NAA11: variants seen among roughly 807,000 people sequenced by gnomAD.
NAA11 encodes the protein N-alpha-acetyltransferase 11.
NAA11 carries 15 observed loss-of-function variants against 16.1 expected under a neutral mutation model. That is an observed-to-expected ratio of 0.93 (90% CI 0.62 to 1.44). The LOEUF (loss-of-function observed/expected upper bound fraction) is 1.44. NAA11 is among the 40% of genes most tolerant of loss of function. The pLI, the probability that NAA11 is intolerant of heterozygous loss-of-function variation, is 0.00. For missense variants in NAA11, 298 were observed against 291.3 expected (o/e 1.02, Z -0.17); for synonymous variants, 122 against 112.4 (o/e 1.09, Z -0.54).
intron 1 of NAA11, among the ~76,000 whole-genome samples, chr4:79,310,112 T>A (rs1458484457): frequency 1.3e-5 from 2 of 152,192 alleles, no homozygotes; most frequent in East Asian, 3.9e-4. Flanking sequence ...CATTCGTGCT[T>A]TTACTTGAGC....
At chr4:79,266,791 T>C (rs952019207) in intron 2 of NAA11, among the ~76,000 whole-genome samples, 2 of 152,200 alleles carry the variant, frequency 1.3e-5, no homozygotes, top group South Asian at 2.1e-4. Flanking sequence ...ATTAGCTTTT[T>C]TGAGTCATCA....
intron 1 of NAA11, among the ~76,000 whole-genome samples, chr4:79,302,591 T>C (rs11098642): frequency 0.42 from 63,629 of 150,898 alleles, 14,614 homozygotes; most frequent in East Asian, 0.77. Flanking sequence ...ATATCTTTAT[T>C]CTATATATGT....
At chr4:79,266,849 A>G (rs907768832) in intron 2 of NAA11, among the ~76,000 whole-genome samples, 1 of 152,148 alleles carries the variant, frequency 6.6e-6, no homozygotes, top group Admixed American at 6.6e-5. Flanking sequence ...GAAAAGATAC[A>G]TTTATTGAAT....
chr4:79,256,651 A>ATATATATATATATATATAGATATAT (rs1722113513), intron 2 of NAA11, among the ~76,000 whole-genome samples: 1 of 130,768 alleles, frequency 7.6e-6, no homozygotes, highest in African/African-American at 3.1e-5. Context: ...TATAAATATA[A>ATATATATATATATATATAGATATAT]ATATATATAT....
chr4:79,267,834 T>C (rs1299410956), intron 2 of NAA11, among the ~76,000 whole-genome samples: 4 of 152,094 alleles, frequency 2.6e-5, no homozygotes, highest in African/African-American at 9.7e-5. Context: ...GACGTTTGCA[T>C]TGCTGTTTCC....
chr4:79,193,747 T>G, the NAA11 span, among the ~76,000 whole-genome samples: 1 of 152,208 alleles, frequency 6.6e-6, no homozygotes, highest in East Asian at 1.9e-4. Flanking sequence ...AAATAGTTTT[T>G]TCCAATTCTG....
At chr4:79,316,623 A>G (rs143845984), downstream of NAA11, 1 of 152,348 alleles carries the variant, frequency 6.6e-6, no homozygotes, top group East Asian at 1.9e-4. Context: ...AGTGAACATA[A>G]AAACAACATT....
the NAA11 span, among the ~76,000 whole-genome samples, chr4:79,219,543 G>A: frequency 1.3e-5 from 2 of 152,038 alleles, no homozygotes; most frequent in South Asian, 2.1e-4. Context: ...GGACCTTAGG[G>A]GAAACATAAG....
chr4:79,178,262 C>T, the NAA11 span, among the ~76,000 whole-genome samples: 44 of 152,210 alleles, frequency 2.9e-4, no homozygotes, highest in East Asian at 6.9e-3. Context: ...ATAGGTGATA[C>T]GAGTTCAATG....
chr4:79,201,064 C>T, the NAA11 span, among the ~76,000 whole-genome samples: 1 of 151,298 alleles, frequency 6.6e-6, no homozygotes, highest in Non-Finnish European at 1.5e-5. Context: ...TAAGATTCTT[C>T]ACAAATTTTT....
the NAA11 span, among the ~76,000 whole-genome samples, chr4:79,155,394 G>C: frequency 6.6e-6 from 1 of 152,324 alleles, no homozygotes; most frequent in African/African-American, 2.4e-5. Flanking sequence ...ACAGGTGCAC[G>C]TTTTTATTTG....
In NAA11 at chr4:79,325,468, T is replaced by C; in HGVS notation, c.410A>G (p.Tyr137Cys). 1 of 1,614,192 alleles carries C rather than the reference T, an allele frequency of 6.2e-7. No individual in the cohort carries two copies. The highest frequency in any genetic ancestry group is 8.5e-7 in the Non-Finnish European group (1 of 1,180,034). ...NFQISEVEPK[Y>C]YADGEDAYAM... ...ATAAGCATCTTCCCCATCTGCATAG[T>C]ATTTAGGTTCCACCTCACTAATCTG... The change falls in exon 1 of 2, where the codon TAC (tyrosine) becomes TGC (cysteine). Residue 137 changes from tyrosine to cysteine, a missense_variant. By Grantham distance (194) the Tyr-to-Cys change is radical (BLOSUM62 -2). Coordinates refer to ENST00000286794, the MANE Select transcript of NAA11 (RefSeq NM_032693.3).
At chr4:79,206,109 A>G in the NAA11 span, among the ~76,000 whole-genome samples, 2 of 151,968 alleles carry the variant, frequency 1.3e-5, no homozygotes, top group African/African-American at 4.8e-5. Context: ...TTTTGTTTCC[A>G]CATGGATTTT....
the NAA11 span, among the ~76,000 whole-genome samples, chr4:79,187,378 G>A: frequency 1.3e-5 from 2 of 152,148 alleles, no homozygotes; most frequent in African/African-American, 4.8e-5. Context: ...TAATAACTCA[G>A]TTCACAGGCA....
chr4:79,162,015 T>G, the NAA11 span, among the ~76,000 whole-genome samples: 1 of 152,248 alleles, frequency 6.6e-6, no homozygotes, highest in Non-Finnish European at 1.5e-5. Flanking sequence ...TCCACAGTAT[T>G]TTGTAGTTTT....
intron 2 of NAA11, among the ~76,000 whole-genome samples, chr4:79,234,509 C>T (rs1475612310): frequency 2.0e-5 from 3 of 152,132 alleles, no homozygotes; most frequent in East Asian, 1.9e-4. Context: ...TTCAAACTCA[C>T]AGACACCTTT....
intron 2 of NAA11, among the ~76,000 whole-genome samples, chr4:79,258,187 G>A (rs899403537): frequency 6.6e-6 from 1 of 152,224 alleles, no homozygotes; most frequent in East Asian, 1.9e-4. Flanking sequence ...TCTGGGAGCA[G>A]ACAGATGCCT....
At chr4:79,316,537 G>C (rs1408175944), downstream of NAA11, 1 of 152,114 alleles carries the variant, frequency 6.6e-6, no homozygotes, top group African/African-American at 2.4e-5. Context: ...TCCAGGCTTT[G>C]ACTTAAATCC....
At chr4:79,292,332 G>A (rs1723106138) in intron 2 of NAA11, among the ~76,000 whole-genome samples, 1 of 152,114 alleles carries the variant, frequency 6.6e-6, no homozygotes, top group African/African-American at 2.4e-5. Flanking sequence ...TTCTATATCT[G>A]GTGGTTCATG....
Sources: gnomAD v4.1 joint callset for allele counts (sites outside exome capture counted in the v4.1 genomes callset) on GRCh38, gnomAD v4.1.1 for gene constraint, MANE v1.5 for transcripts, NCBI Gene and HGNC (gene_info 2026-07-23, HGNC 2026-07-21) for gene names.